Variants in PTPN14 observed in about 807,000 individuals in gnomAD.
The protein encoded by PTPN14 is tyrosine-protein phosphatase non-receptor type 14.
PTPN14 carries 53 observed loss-of-function variants against 126.8 expected under a neutral mutation model. The observed-to-expected ratio is 0.42, with a 90% CI of 0.34 to 0.53. The LOEUF (loss-of-function observed/expected upper bound fraction) is 0.53, where lower values mean the gene tolerates loss of function less well. PTPN14 is among the 20% of genes least tolerant of loss of function. The pLI is 0.08. For synonymous variants in PTPN14, 630 were observed against 599.3 expected (o/e 1.05, Z -0.75); for missense variants, 1,257 against 1,552.9 (o/e 0.81, Z 3.20).
chr1:214,477,948 A>G (rs1342996715), intron 1 of PTPN14, among the ~76,000 whole-genome samples: 2 of 152,202 alleles, frequency 1.3e-5, no homozygotes, highest in Non-Finnish European at 2.9e-5. Flanking sequence ...AATAAACACC[A>G]TTTACTAAAA....
chr1:214,394,771 TAGAA>T, intron 9 of PTPN14, 124 bp downstream of exon 9: 1 of 838,134 alleles, frequency 1.2e-6, no homozygotes, highest in Non-Finnish European at 2.0e-6. Flanking sequence ...GACCAAGTAT[TAGAA>T]AGCATCTCTT....
chr1:214,465,951 C>CTTTTTTGTTTTTTTTT (rs1660625445), intron 1 of PTPN14, among the ~76,000 whole-genome samples: 1 of 59,024 alleles, frequency 1.7e-5, no homozygotes, highest in East Asian at 5.0e-4. Flanking sequence ...CAGTTACTTC[C>CTTTTTTGTTTTTTTTT]TTTTTTTTTT....
intron 1 of PTPN14, among the ~76,000 whole-genome samples, chr1:214,541,989 T>C (rs1445753183): frequency 6.6e-6 from 1 of 152,178 alleles, no homozygotes; most frequent in Non-Finnish European, 1.5e-5. Context: ...CACGTTTCCA[T>C]CACTCAGCTT....
intron 1 of PTPN14, among the ~76,000 whole-genome samples, chr1:214,538,406 T>A (rs76208637): frequency 0.013 from 2,031 of 152,258 alleles, 48 homozygotes; most frequent in African/African-American, 0.046. Flanking sequence ...AAATAACATC[T>A]CCTTCATAAT....
intron 1 of PTPN14, among the ~76,000 whole-genome samples, chr1:214,506,826 T>G (rs1654856077): frequency 6.6e-6 from 1 of 151,238 alleles, no homozygotes; most frequent in South Asian, 2.1e-4. Flanking sequence ...CTTTTTCCAG[T>G]CCAGATGACT....
Position 214,369,492 on chromosome 1 carries a change from T to C in PTPN14, c.3236A>G (p.Asp1079Gly), listed in dbSNP as rs1658161812. The change falls in exon 17 of 19, where the codon GAT (aspartate) becomes GGT (glycine). Residue 1079 changes from aspartate to glycine, a missense_variant. By Grantham distance (94) the Asp-to-Gly change is moderately conservative. Transcript: ENST00000366956. ...TTGGACATCTTCTGGACAGCCGTGATCTGGCCAGTCAGTATATTGTAAATG... is the reference window on the plus strand; with the variant it reads ...TTGGACATCTTCTGGACAGCCGTGACCTGGCCAGTCAGTATATTGTAAATG... ...VWHLQYTDWPDHGCPEDVQGF... is the reference protein window; with the variant it reads ...VWHLQYTDWPGHGCPEDVQGF... The C allele has an allele frequency of 6.2e-7, 1 of 1,614,052 alleles. No individual in the cohort carries two copies. The highest frequency in any genetic ancestry group is 1.3e-5 in the African/African-American group (1 of 74,916).
chr1:214,367,170 AT>A (rs1658101170), intron 17 of PTPN14, among the ~76,000 whole-genome samples: 1 of 152,186 alleles, frequency 6.6e-6, no homozygotes, highest in South Asian at 2.1e-4. Context: ...GAAAATTTTA[AT>A]AAGTCAATTA....
intron 3 of PTPN14, among the ~76,000 whole-genome samples, chr1:214,415,882 T>C (rs907885373): frequency 1.3e-5 from 2 of 152,292 alleles, no homozygotes; most frequent in East Asian, 1.9e-4. Flanking sequence ...TACTTAAAAA[T>C]CCTTTTTAGT....
chr1:214,431,602 C>T (rs949171092), intron 3 of PTPN14, among the ~76,000 whole-genome samples: 3 of 152,106 alleles, frequency 2.0e-5, no homozygotes, highest in Non-Finnish European at 4.4e-5. Context: ...GGGGGCACAG[C>T]GGACTAGAAT....
At chr1:214,413,083 C>T (rs1273311039) in intron 4 of PTPN14, among the ~76,000 whole-genome samples, 4 of 152,066 alleles carry the variant, frequency 2.6e-5, no homozygotes, top group Non-Finnish European at 5.9e-5. Context: ...CGTTTTGTTG[C>T]CCAGGGTGGT....
chr1:214,512,756 A>G (rs1024170677), intron 1 of PTPN14, among the ~76,000 whole-genome samples: 3 of 152,314 alleles, frequency 2.0e-5, no homozygotes, highest in South Asian at 2.1e-4. Flanking sequence ...CAGTAATGCA[A>G]TCTTGGCTCA....
intron 7 of PTPN14, among the ~76,000 whole-genome samples, chr1:214,400,043 A>G (rs1488222023): frequency 2.1e-5 from 1 of 48,314 alleles, no homozygotes; most frequent in Non-Finnish European, 3.9e-5. Flanking sequence ...CTGCCAGTCC[A>G]CTGCTGTTCT....
intron 1 of PTPN14, among the ~76,000 whole-genome samples, chr1:214,501,814 C>T (rs748900800): frequency 8.5e-5 from 13 of 152,118 alleles, no homozygotes; most frequent in Non-Finnish European, 1.8e-4. Context: ...AATCCCAGCA[C>T]TTTGGGAGGC....
intron 7 of PTPN14, among the ~76,000 whole-genome samples, chr1:214,400,817 G>A (rs1244370635): frequency 1.3e-5 from 2 of 152,192 alleles, no homozygotes; most frequent in African/African-American, 4.8e-5. Context: ...AGCCCTTTCT[G>A]AAAGCTGCGG....
At chr1:214,489,356 C>T (rs1009842350) in intron 1 of PTPN14, among the ~76,000 whole-genome samples, 1 of 152,168 alleles carries the variant, frequency 6.6e-6, no homozygotes, top group Admixed American at 6.6e-5. Flanking sequence ...ACCATGCCCT[C>T]TCCCCTTGCC....
chr1:214,366,151 C>A (rs914219348), intron 17 of PTPN14, among the ~76,000 whole-genome samples: 3 of 152,048 alleles, frequency 2.0e-5, no homozygotes, highest in Non-Finnish European at 1.5e-5. Context: ...GCACCCCAGC[C>A]TGGGCACCAA....
At chr1:214,467,065 T>C (rs1407928547) in intron 1 of PTPN14, among the ~76,000 whole-genome samples, 1 of 152,086 alleles carries the variant, frequency 6.6e-6, no homozygotes, top group Non-Finnish European at 1.5e-5. Flanking sequence ...CTTGGTAAAA[T>C]ATATTAACAT....
At chr1:214,416,976 GA>G (rs1659441188) in intron 3 of PTPN14, among the ~76,000 whole-genome samples, 2 of 151,768 alleles carry the variant, frequency 1.3e-5, no homozygotes, top group Non-Finnish European at 2.9e-5. Flanking sequence ...CAATTTCATG[GA>G]AGTATACTCC....
At chr1:214,381,485 A>C (rs1658471192) in intron 13 of PTPN14, among the ~76,000 whole-genome samples, 1 of 152,238 alleles carries the variant, frequency 6.6e-6, no homozygotes, top group African/African-American at 2.4e-5. Flanking sequence ...CACCTTGCAC[A>C]ATTTCCTTCT....
Sources: gnomAD v4.1 joint callset for allele counts (sites outside exome capture counted in the v4.1 genomes callset) on GRCh38, gnomAD v4.1.1 for gene constraint, MANE v1.5 for transcripts, NCBI Gene and HGNC (gene_info 2026-07-23, HGNC 2026-07-21) for gene names.